Variants in MED17 observed in about 807,000 individuals in gnomAD.
The protein encoded by MED17 is mediator complex subunit 17, also known as mediator of RNA polymerase II transcription subunit 17.
In MED17, 49 loss-of-function variants were observed where a neutral mutation model predicts 80.8. The observed-to-expected ratio is 0.61, with a 90% CI of 0.48 to 0.77. The LOEUF (loss-of-function observed/expected upper bound fraction) is 0.77. MED17 is among the 30% of genes least tolerant of loss of function. The pLI is 0.00. For synonymous variants in MED17, 281 were observed against 280.4 expected, an observed-to-expected ratio of 1.00 and a Z score of -0.02; for missense variants, 718 against 787.0, an observed-to-expected ratio of 0.91 and a Z score of 1.05.
rs1944105865 is a variant in MED17 at position 93,813,519 on chromosome 11, T to A, written c.*1455T>A. On this transcript the variant is annotated 3_prime_UTR_variant, in exon 12 of 12. Coordinates refer to ENST00000251871, the MANE Select transcript of MED17 (RefSeq NM_004268.5). ...TGCACAATTCCACTCACATAAGGAG[T>A]CTTTTATGTGATTTTGAAGGCTCAG... 6.6e-6 allele frequency: 1 copy of A among 152,048 alleles called. No individual in the cohort carries two copies. Among genetic ancestry groups the A allele is most frequent in the South Asian group, 2.1e-4 (1 of 4,820 alleles). The allele number at this position is 152,048 out of a possible 1,614,324, so 9.4% of individuals were successfully genotyped here.
Position 93,784,520 on chromosome 11 carries a change from G to A in MED17, c.7G>A (p.Gly3Arg), listed in dbSNP as rs1221522978. 6.2e-7 allele frequency: 1 copy of A among 1,600,826 alleles called. No individual in the cohort carries two copies. Among genetic ancestry groups the A allele is most frequent in the Non-Finnish European group, 8.5e-7 (1 of 1,171,532 alleles). The part of the protein sequence containing the change: MS[G>R]VRAVRISIES... The stretch of plus-strand genomic sequence containing the variant: ...GCTGGCCGACGCAGCCAGCATGTCC[G>A]GGGTGCGCGCAGTGCGGATCAGCAT... Residue 3 changes from glycine (G) to arginine (R), a missense_variant, in exon 1 of 12, where the codon GGG (glycine) becomes AGG (arginine). Coordinates refer to ENST00000251871, the MANE Select transcript of MED17 (RefSeq NM_004268.5).
Position 93,788,284 on chromosome 11 carries a change from A to C in MED17, c.417+117A>C, listed in dbSNP as rs1308714198. ...CTTGCAAAATTAAGTCCAGATGAAG[A>C]TTTAAAGACTAACTGGTCTAAAACA... On this transcript the variant is annotated intron_variant, in intron 2 of 11. Transcript: ENST00000251871. 3.7e-6 allele frequency: 3 copies of C among 821,098 alleles called. No individual in the cohort carries two copies. In the East Asian group the frequency reaches 8.0e-5, roughly 22 times the overall value. 50.9% of individuals were successfully genotyped at this position (821,098 alleles called of 1,614,324 possible). A position where few individuals can be genotyped will look rare whatever the true frequency, so the allele number is the denominator to read the frequency against.
chr11:93,785,568 T>C (rs1335681028), intron 1 of MED17, among the ~76,000 whole-genome samples: 4 of 152,188 alleles, frequency 2.6e-5, no homozygotes, highest in African/African-American at 9.7e-5. Flanking sequence ...AAAAGGTAAA[T>C]ACTACTTTAT....
intron 8 of MED17, 98 bp downstream of exon 8, chr11:93,797,817 T>C (rs1238647710): frequency 2.5e-6 from 3 of 1,181,552 alleles, no homozygotes; most frequent in African/African-American, 3.1e-5. Context: ...CTTTTGACTT[T>C]TTTATTTTAG....
chr11:93,794,799 G>A (rs890817012), intron 5 of MED17, 109 bp from the exon 6 acceptor site: 58 of 1,178,138 alleles, frequency 4.9e-5, no homozygotes, highest in Admixed American at 2.9e-4. Flanking sequence ...AGAATATACC[G>A]TAATGTAGTG....
intron 10 of MED17, chr11:93,808,808 A>G (rs1020772324): frequency 6.6e-6 from 1 of 152,182 alleles, no homozygotes; most frequent in Admixed American, 6.5e-5. Flanking sequence ...CCCAGAATCA[A>G]TGGGAGGTCT....
At chr11:93,809,966 T>C (rs1377258771) in intron 11 of MED17, 90 bp downstream of exon 11, 2 of 1,296,732 alleles carry the variant, frequency 1.5e-6, no homozygotes, top group African/African-American at 2.9e-5. Flanking sequence ...AAGAGTAATT[T>C]ATCTCTGCAA....
intron 5 of MED17, 108 bp from the exon 6 acceptor site, chr11:93,794,800 T>C: frequency 8.4e-7 from 1 of 1,188,196 alleles, no homozygotes; most frequent in Non-Finnish European, 1.2e-6. Context: ...GAATATACCG[T>C]AATGTAGTGT....
chr11:93,804,586 C>T (rs889863701), intron 9 of MED17, among the ~76,000 whole-genome samples: 7 of 152,150 alleles, frequency 4.6e-5, no homozygotes, highest in African/African-American at 7.2e-5. Flanking sequence ...TTCCTGTAAC[C>T]GACCTCTCTT....
At chr11:93,793,564 C>T in intron 3 of MED17, 164 bp from the exon 4 acceptor site, 26 of 564,912 alleles carry the variant, frequency 4.6e-5, no homozygotes, top group South Asian at 2.2e-4. Context: ...TCTTTCTTTC[C>T]TTTGTTCACC....
chr11:93,803,353 T>A (rs1354486831), intron 9 of MED17, among the ~76,000 whole-genome samples: 2 of 152,184 alleles, frequency 1.3e-5, no homozygotes. Context: ...GAAAACATAG[T>A]AGATAAGTGT....
intron 10 of MED17, 78 bp from the exon 11 acceptor site, chr11:93,809,639 T>C (rs1944065775): frequency 1.3e-6 from 2 of 1,514,324 alleles, no homozygotes; most frequent in South Asian, 2.3e-5. Context: ...CCAACAAAAG[T>C]TTACTTCATG....
rs1382504729 is a variant in MED17, at chr11:93,797,587, CT to C, written c.1200del (p.Phe400LeufsTer6). The part of the protein sequence containing the change: ...SIMMPHPASA[P>X]FGHKRMRLSG... ...ATGATGCCTCATCCAGCAAGTGCAC[CT>C]TTTGGCCACAAGAGAATGAGACTTT... is the stretch of plus-strand genomic sequence containing the variant. On this transcript the variant is annotated frameshift_variant, in exon 8 of 12. Coordinates refer to ENST00000251871, the MANE Select transcript of MED17 (RefSeq NM_004268.5). LOFTEE classifies it high-confidence loss of function. 3.7e-6 allele frequency: 6 copies of C among 1,613,968 alleles called. No homozygotes were observed. Among genetic ancestry groups the C allele is most frequent in the Non-Finnish European group, 5.1e-6 (6 of 1,180,006 alleles).
chr11:93,793,135 T>TTTTTTTTTTTTTTTTTTTTTTA (rs1943858158), intron 3 of MED17: 1 of 144,958 alleles, frequency 6.9e-6, no homozygotes, highest in Non-Finnish European at 1.5e-5. Context: ...TTTTTTTTTT[T>TTTTTTTTTTTTTTTTTTTTTTA]GAGACAGAGT....
At chr11:93,804,655 A>C (rs1157736859) in intron 9 of MED17, among the ~76,000 whole-genome samples, 1 of 152,166 alleles carries the variant, frequency 6.6e-6, no homozygotes, top group Non-Finnish European at 1.5e-5. Flanking sequence ...TGTCTTACAG[A>C]GTTTTGTATG....
chr11:93,809,421 A>G (rs1264720608), intron 10 of MED17: 3 of 435,990 alleles, frequency 6.9e-6, no homozygotes, highest in African/African-American at 4.0e-5. Context: ...CAAATGTTAC[A>G]CCATATTCAG....
chr11:93,801,849 T>C lies in MED17; in HGVS notation c.1343T>C (p.Ile448Thr), dbSNP rs755699922. ...GTATTTAAAAGAGCTGCTGCAACCA[T>C]TGACAGCTTAGCAAGCCGAATTGAG... ...IFLRSRAAAT[I>T]DSLASRIEDP... The change falls in exon 9 of 12, where the codon ATT (isoleucine) becomes ACT (threonine). Residue 448 changes from isoleucine to threonine, a missense_variant. Transcript: ENST00000251871. 6.2e-7 allele frequency: 1 copy of C among 1,613,648 alleles called. No homozygotes were observed. The highest frequency in any genetic ancestry group is 1.1e-5 in the South Asian group (1 of 91,050).
rs761123395 is a variant in MED17, at chr11:93,784,314, G to A, written c.-200G>A. ...CTCCGAAAGACTTACCGAGGAGGGA[G>A]CTTGCGGTGCGTTCTGGGAAAGTTG... On this transcript the variant is annotated 5_prime_UTR_variant, in exon 1 of 12. Coordinates refer to ENST00000251871, the MANE Select transcript of MED17 (RefSeq NM_004268.5). The A allele has an allele frequency of 2.9e-6, 2 of 680,618 alleles. No homozygotes were observed. Among genetic ancestry groups the A allele is most frequent in the Non-Finnish European group, 4.8e-6 (2 of 420,388 alleles). The allele number at this position is 680,618 out of a possible 1,614,324, so 42.2% of individuals were successfully genotyped here.
chr11:93,808,763 C>G (rs1944055970), intron 10 of MED17: 1 of 151,930 alleles, frequency 6.6e-6, no homozygotes, highest in Non-Finnish European at 1.5e-5. Flanking sequence ...TTTAAGCACA[C>G]ACACAAAAAT....
Sources: allele counts gnomAD v4.1 joint callset (sites outside exome capture counted in the v4.1 genomes callset), GRCh38; gene constraint gnomAD v4.1.1; transcripts MANE v1.5; gene names NCBI Gene and HGNC (gene_info 2026-07-23, HGNC 2026-07-21).